The following ATXN2 variants were observed in gnomAD, a reference collection of about 807,000 sequenced individuals.
ATXN2 encodes ataxin 2, also known as ataxin-2.
A neutral mutation model predicts 138.6 loss-of-function variants in ATXN2; 37 were observed. That is an observed-to-expected ratio of 0.27 (90% CI 0.21 to 0.35). The LOEUF is 0.35. ATXN2 is among the 10% of genes least tolerant of loss of function. ATXN2 has a pLI of 1.00. For missense variants in ATXN2, 1,216 were observed against 1,480.3 expected (o/e 0.82, Z 2.93); for synonymous variants, 549 against 543.7 (o/e 1.01, Z -0.13).
intron 1 of ATXN2, among the ~76,000 whole-genome samples, chr12:111,583,385 G>A (rs1884122243): frequency 6.6e-6 from 1 of 152,142 alleles, no homozygotes; most frequent in African/African-American, 2.4e-5. Context: ...AAGCAGTTAA[G>A]TGCCAACCAT....
At chr12:111,488,834 T>C (rs893483222) in intron 14 of ATXN2, 54 bp from the exon 15 acceptor site, 10 of 1,428,888 alleles carry the variant, frequency 7.0e-6, no homozygotes, top group Non-Finnish European at 9.4e-6. Context: ...TAGTAATACA[T>C]TTTTGCCATG....
Position 111,525,200 on chromosome 12 carries a change from T to G in ATXN2, c.688A>C (p.Asn230His). Residue 230 changes from asparagine to histidine, a missense_variant, in exon 6 of 25, where the codon AAT becomes CAT. Transcript: ENST00000673436. ...ACAAAGATGTTACTTACTACGTCAT[T>G]TTCCAAAGCCTCAAGTTCCTCATTG... ...TANEELEALE[N>H]DVSNGWDPND... 6.2e-7 allele frequency: 1 copy of G among 1,610,320 alleles called. No individual in the cohort carries two copies. Among genetic ancestry groups the G allele is most frequent in the South Asian group, 1.1e-5 (1 of 90,218 alleles).
chr12:111,547,125 C>CA (rs1249335160), intron 5 of ATXN2, among the ~76,000 whole-genome samples: 2 of 152,224 alleles, frequency 1.3e-5, no homozygotes, highest in Non-Finnish European at 2.9e-5. Context: ...TGACCTTACT[C>CA]ATGTTAAAAG....
intron 21 of ATXN2, chr12:111,458,520 T>TA (rs950942198): frequency 1.3e-5 from 2 of 152,158 alleles, no homozygotes; most frequent in Admixed American, 1.3e-4. Context: ...ACACCGATGA[T>TA]AAAAAACTAA....
chr12:111,489,329 T>C (rs2135703101), intron 14 of ATXN2, among the ~76,000 whole-genome samples: 1 of 152,138 alleles, frequency 6.6e-6, no homozygotes, highest in African/African-American at 2.4e-5. Context: ...ATAGCACCAA[T>C]GGGGGCCGGG....
intron 18 of ATXN2, among the ~76,000 whole-genome samples, chr12:111,475,070 C>T (rs1287600256): frequency 2.6e-5 from 4 of 151,946 alleles, no homozygotes; most frequent in African/African-American, 7.3e-5. Flanking sequence ...AAAAATTAGC[C>T]GGGTGTGGTG....
At position 111,599,246 on chromosome 12, in the gene ATXN2, C is replaced by A. The variant is rs948619967; in HGVS notation, c.-212G>T. 4.2e-6 allele frequency: 5 copies of A among 1,176,738 alleles called. No homozygotes were observed. Among genetic ancestry groups the A allele is most frequent in the Admixed American group, 9.3e-5 (2 of 21,466 alleles). 72.9% of individuals were successfully genotyped at this position (1,176,738 alleles called of 1,614,324 possible). On this transcript the variant is annotated 5_prime_UTR_variant, in exon 1 of 25. Transcript: ENST00000673436. ...GCCGAGACCAAGGAGCCGCCGGGAG[C>A]CGGGCCGAAACGCGCCGCCGCCGTT...
intron 1 of ATXN2, among the ~76,000 whole-genome samples, chr12:111,568,106 C>CA (rs1368920112): frequency 6.6e-6 from 1 of 151,626 alleles, no homozygotes; most frequent in African/African-American, 2.4e-5. Context: ...AATAAAAATA[C>CA]AAAAATTAGC....
intron 1 of ATXN2, among the ~76,000 whole-genome samples, chr12:111,586,570 T>G (rs981154753): frequency 6.6e-6 from 1 of 151,892 alleles, no homozygotes; most frequent in African/African-American, 2.4e-5. Context: ...GTATTTTTAG[T>G]AGAGATGGGG....
At position 111,503,740 on chromosome 12, in the gene ATXN2, C is replaced by T. The variant is rs145996331; in HGVS notation, c.1935+5809G>A. On this transcript the variant is annotated intron_variant, in intron 14 of 24. Coordinates refer to ENST00000673436, the MANE Select transcript of ATXN2 (RefSeq NM_001372574.1). ...GAGTAGCTGGGATTACAGGCATGTG[C>T]CACCATGCCCGGCTAATTTATATAT... Among the ~76,000 whole-genome samples the T allele has an allele frequency of 3.5e-3, 528 of 152,016 alleles. 1 individual carries two copies. The highest frequency in any genetic ancestry group is 0.012 in the African/African-American group (508 of 41,430).
chr12:111,509,820 G>C, intron 13 of ATXN2, 71 bp downstream of exon 13: 1 of 1,207,348 alleles, frequency 8.3e-7, no homozygotes, highest in Admixed American at 2.0e-5. Flanking sequence ...AAAATATTCT[G>C]TATGGGCATG....
chr12:111,590,536 T>C (rs1374182142), intron 1 of ATXN2, among the ~76,000 whole-genome samples: 1 of 151,804 alleles, frequency 6.6e-6, no homozygotes, highest in Admixed American at 6.6e-5. Flanking sequence ...AATACAAAAA[T>C]TAGCTGGGCA....
At chr12:111,560,680 C>A (rs1019081109) in intron 1 of ATXN2, among the ~76,000 whole-genome samples, 8 of 151,648 alleles carry the variant, frequency 5.3e-5, no homozygotes, top group African/African-American at 1.9e-4. Context: ...ATAACAGTAA[C>A]AACCACCACC....
At chr12:111,579,734 T>A (rs1225331548) in intron 1 of ATXN2, among the ~76,000 whole-genome samples, 1 of 150,372 alleles carries the variant, frequency 6.7e-6, no homozygotes, top group Non-Finnish European at 1.5e-5. Flanking sequence ...AGTCTCACTA[T>A]GTCACCCAGG....
intron 17 of ATXN2, 79 bp from the exon 18 acceptor site, chr12:111,485,410 T>C: frequency 7.4e-7 from 1 of 1,349,470 alleles, no homozygotes; most frequent in Admixed American, 1.8e-5. Context: ...AGTTTTATAT[T>C]GCTAGAGAGC....
At chr12:111,558,853 A>C (rs1331662543) in intron 1 of ATXN2, among the ~76,000 whole-genome samples, 4 of 152,040 alleles carry the variant, frequency 2.6e-5, no homozygotes, top group Non-Finnish European at 5.9e-5. Context: ...TGGGGTTGTA[A>C]ATCAAACAAG....
intron 5 of ATXN2, among the ~76,000 whole-genome samples, chr12:111,525,748 G>A (rs185066537): frequency 1.3e-5 from 2 of 150,574 alleles, no homozygotes; most frequent in African/African-American, 2.4e-5. Flanking sequence ...GCAGTGGCGT[G>A]ATCTCGGCTC....
chr12:111,563,166 A>C (rs1882792160), intron 1 of ATXN2, among the ~76,000 whole-genome samples: 1 of 152,226 alleles, frequency 6.6e-6, no homozygotes, highest in African/African-American at 2.4e-5. Context: ...AAAAGTGTCA[A>C]GTCATAAAAG....
At chr12:111,524,538 C>G (rs142445320) in intron 6 of ATXN2, among the ~76,000 whole-genome samples, 70 of 152,268 alleles carry the variant, frequency 4.6e-4, no homozygotes, top group Middle Eastern at 3.4e-3. Flanking sequence ...TCAAGTGATC[C>G]TCCTGCTTCA....
Sources: gnomAD v4.1 joint callset for allele counts (sites outside exome capture counted in the v4.1 genomes callset) on GRCh38, gnomAD v4.1.1 for gene constraint, MANE v1.5 for transcripts, NCBI Gene and HGNC (gene_info 2026-07-23, HGNC 2026-07-21) for gene names.